The following BRI3 variants were observed in gnomAD, a reference collection of about 807,000 sequenced individuals.
BRI3 encodes the protein membrane protein BRI3.
A neutral mutation model predicts 12.8 loss-of-function variants in BRI3; 6 were observed. The observed-to-expected ratio is 0.47, with a 90% CI of 0.26 to 0.93. The LOEUF is 0.93. BRI3 is among the 40% of genes least tolerant of loss of function. The pLI is 0.15. For missense variants in BRI3, 134 were observed against 171.1 expected (o/e 0.78, Z 1.21); for synonymous variants, 91 against 76.1 (o/e 1.20, Z -1.02).
intron 2 of BRI3, among the ~76,000 whole-genome samples, chr7:98,290,138 G>A (rs1366864845): frequency 2.0e-5 from 3 of 147,506 alleles, no homozygotes; most frequent in Admixed American, 6.7e-5. Flanking sequence ...AAGAGCAGAT[G>A]TATGTGGCTT....
intron 2 of BRI3, among the ~76,000 whole-genome samples, chr7:98,288,938 G>GCAGGT (rs1165476687): frequency 1.3e-5 from 2 of 152,020 alleles, no homozygotes; most frequent in Non-Finnish European, 2.9e-5. Context: ...CTAGAGGGAG[G>GCAGGT]CAGGTGGGCA....
exon 2 of BRI3, chr7:98,307,958 A>G (rs757908448): frequency 2.9e-5 from 44 of 1,495,052 alleles, no homozygotes; most frequent in Non-Finnish European, 4.1e-5. Flanking sequence ...GGCACATTCC[A>G]ATGAGCAAAC....
chr7:98,285,444 G>A (rs1003058046), intron 2 of BRI3, among the ~76,000 whole-genome samples: 5 of 152,334 alleles, frequency 3.3e-5, no homozygotes, highest in African/African-American at 1.2e-4. Flanking sequence ...GAGTTAGCTG[G>A]GATGGCTCTG....
the BRI3 span, chr7:98,320,039 A>C: frequency 1.2e-6 from 2 of 1,605,958 alleles, no homozygotes; most frequent in Admixed American, 3.4e-5. Context: ...CTGGGGCTGG[A>C]GGAAAACCAT....
At chr7:98,294,039 C>T, downstream of BRI3, 1 of 1,610,202 alleles carries the variant, frequency 6.2e-7, no homozygotes, top group Non-Finnish European at 8.5e-7. Context: ...AGAGCAATGT[C>T]ACACACTGAG....
chr7:98,320,589 C>G, the BRI3 span, among the ~76,000 whole-genome samples: 23 of 152,286 alleles, frequency 1.5e-4, no homozygotes, highest in African/African-American at 5.3e-4. Context: ...ACTGCCTTGG[C>G]CTCTCAAAGT....
chr7:98,312,094 T>C (rs894225847), downstream of BRI3: 9 of 1,591,390 alleles, frequency 5.7e-6, no homozygotes, highest in Non-Finnish European at 6.8e-6. Flanking sequence ...AACTGGCTCC[T>C]ACCACATTGC....
chr7:98,318,690 A>T, the BRI3 span, among the ~76,000 whole-genome samples: 1 of 151,274 alleles, frequency 6.6e-6, no homozygotes, highest in Non-Finnish European at 1.5e-5. Context: ...CACGCCTCTA[A>T]TCCCAGCACT....
chr7:98,286,600 C>G (rs960080803), intron 2 of BRI3, among the ~76,000 whole-genome samples: 1 of 152,162 alleles, frequency 6.6e-6, no homozygotes, highest in Non-Finnish European at 1.5e-5. Context: ...CGCAGGTGTT[C>G]CGGGGCAGGG....
At chr7:98,320,949 T>C in the BRI3 span, among the ~76,000 whole-genome samples, 1 of 152,190 alleles carries the variant, frequency 6.6e-6, no homozygotes, top group Non-Finnish European at 1.5e-5. Context: ...CTCCACCTCC[T>C]GGGTTCAAGT....
At chr7:98,319,387 C>T in the BRI3 span, among the ~76,000 whole-genome samples, 1 of 152,178 alleles carries the variant, frequency 6.6e-6, no homozygotes, top group Non-Finnish European at 1.5e-5. Flanking sequence ...ACGGTGCTCT[C>T]CCGCACACCA....
chr7:98,308,381 G>A, exon 2 of BRI3: 1 of 429,968 alleles, frequency 2.3e-6, no homozygotes, highest in South Asian at 1.7e-5. Context: ...TCACCCCCAG[G>A]CCTAAGAAGG....
In BRI3 at chr7:98,282,344, C is replaced by T. The variant is rs776489392; in HGVS notation, c.143-7C>T. 1.2e-6 allele frequency: 2 copies of T among 1,611,458 alleles called. No individual in the cohort carries two copies. Among genetic ancestry groups the T allele is most frequent in the African/African-American group, 1.3e-5 (1 of 74,880 alleles). On this transcript the variant is annotated splice_region_variant and splice_polypyrimidine_tract_variant and intron_variant, in intron 1 of 2. Transcript: ENST00000297290. ...TGCACCCTAATGACCTGCTTTCCCG[C>T]CCACAGGGATACCCACCCACCATCC...
intron 1 of BRI3, chr7:98,306,672 A>G: frequency 9.2e-7 from 1 of 1,083,570 alleles, no homozygotes; most frequent in East Asian, 2.6e-5. Context: ...ATAGGTAAAT[A>G]TGGACTTTCA....
intron 2 of BRI3, 105 bp downstream of exon 2, chr7:98,282,558 C>T: frequency 2.2e-6 from 2 of 927,518 alleles, no homozygotes; most frequent in Admixed American, 2.2e-5. Context: ...TCCGGCTTGA[C>T]TTGGATCTTG....
At chr7:98,294,131 G>A, downstream of BRI3, 2 of 1,612,834 alleles carry the variant, frequency 1.2e-6, no homozygotes, top group Non-Finnish European at 8.5e-7. Context: ...AGATAAAGAA[G>A]TTTATGGAGG....
chr7:98,315,550 T>C, the BRI3 span: 1 of 1,511,930 alleles, frequency 6.6e-7, no homozygotes, highest in South Asian at 1.3e-5. Flanking sequence ...GCAGAGCCTC[T>C]TTGCAACCAT....
chr7:98,304,175 C>G (rs758831780), upstream of BRI3: 17 of 1,551,526 alleles, frequency 1.1e-5, no homozygotes, highest in Non-Finnish European at 1.4e-5. Flanking sequence ...ACCCAGGACG[C>G]CCTGCTGCGG....
the BRI3 span, among the ~76,000 whole-genome samples, chr7:98,322,359 T>C: frequency 0.4 from 61,510 of 152,002 alleles, 13,396 homozygotes; most frequent in Middle Eastern, 0.55. Flanking sequence ...GACGTCCCAT[T>C]GGGCACACCT....
Sources: gnomAD v4.1 joint callset for allele counts (sites outside exome capture counted in the v4.1 genomes callset) on GRCh38, gnomAD v4.1.1 for gene constraint, MANE v1.5 for transcripts, NCBI Gene and HGNC (gene_info 2026-07-23, HGNC 2026-07-21) for gene names.